NRG3: variants seen among roughly 807,000 people sequenced by gnomAD.
NRG3 encodes pro-neuregulin-3, membrane-bound isoform.
In NRG3, 31 loss-of-function variants were observed where a neutral mutation model predicts 66.9. That is an observed-to-expected ratio of 0.46 (90% CI 0.35 to 0.63). The LOEUF (loss-of-function observed/expected upper bound fraction) is 0.63. Among genes scored for constraint, NRG3 ranks in the 20% least tolerant of loss-of-function variants. NRG3 has a pLI of 0.00. For missense variants in NRG3, 910 were observed against 878.9 expected (o/e 1.04, Z -0.45); for synonymous variants, 393 against 359.4 (o/e 1.09, Z -1.06).
chr10:82,947,192 T>G (rs1849105866), intron 4 of NRG3, among the ~76,000 whole-genome samples: 3 of 152,184 alleles, frequency 2.0e-5, no homozygotes, highest in African/African-American at 7.2e-5. Flanking sequence ...TTTGAATAAG[T>G]GGAATTATAC....
At chr10:82,815,401 A>C (rs2061664477) in intron 3 of NRG3, among the ~76,000 whole-genome samples, 1 of 152,142 alleles carries the variant, frequency 6.6e-6, no homozygotes, top group African/African-American at 2.4e-5. Flanking sequence ...TGAGGTGTTC[A>C]CTTAAAAGCT....
chr10:82,111,091 C>G (rs2067361971), intron 1 of NRG3, among the ~76,000 whole-genome samples: 2 of 152,124 alleles, frequency 1.3e-5, no homozygotes, highest in African/African-American at 4.8e-5. Context: ...AGTTGAAAAT[C>G]AAAAATTTTG....
chr10:82,533,092 CTT>C (rs1199610478), intron 2 of NRG3, among the ~76,000 whole-genome samples: 3 of 139,432 alleles, frequency 2.2e-5, no homozygotes. Flanking sequence ...ATTTGTATAT[CTT>C]TTTTTTTTTT....
intron 1 of NRG3, among the ~76,000 whole-genome samples, chr10:82,132,468 G>GATATATATATATC (rs1214093251): frequency 1.1e-4 from 13 of 119,902 alleles, no homozygotes; most frequent in African/African-American, 4.3e-4. Context: ...TGATATATAT[G>GATATATATATATC]ATATATATAT....
intron 1 of NRG3, among the ~76,000 whole-genome samples, chr10:82,278,994 A>G (rs1320395304): frequency 6.6e-6 from 1 of 152,130 alleles, no homozygotes; most frequent in Non-Finnish European, 1.5e-5. Context: ...TGCACAGCAC[A>G]TGTTATTACA....
At chr10:82,544,071 A>C (rs1411642217) in intron 2 of NRG3, among the ~76,000 whole-genome samples, 1 of 152,170 alleles carries the variant, frequency 6.6e-6, no homozygotes, top group Non-Finnish European at 1.5e-5. Context: ...TCAGAGACCC[A>C]GTTGCTTTAT....
At chr10:82,593,953 G>A (rs1412727139) in intron 2 of NRG3, among the ~76,000 whole-genome samples, 1 of 151,948 alleles carries the variant, frequency 6.6e-6, no homozygotes, top group Non-Finnish European at 1.5e-5. Context: ...TATTTTTTAA[G>A]AATGTGTAAA....
At chr10:82,860,862 TA>T (rs1182799742) in intron 3 of NRG3, among the ~76,000 whole-genome samples, 1 of 152,226 alleles carries the variant, frequency 6.6e-6, no homozygotes, top group East Asian at 1.9e-4. Flanking sequence ...AATGAACTAT[TA>T]ATTAATTAAT....
intron 6 of NRG3, among the ~76,000 whole-genome samples, chr10:82,969,885 G>A (rs888852533): frequency 8.5e-5 from 13 of 152,128 alleles, no homozygotes; most frequent in African/African-American, 3.1e-4. Context: ...ATAAACACCA[G>A]GCTAATTATG....
At chr10:82,800,290 C>A (rs557494682) in intron 3 of NRG3, among the ~76,000 whole-genome samples, 1 of 152,196 alleles carries the variant, frequency 6.6e-6, no homozygotes, top group African/African-American at 2.4e-5. Context: ...AGACATCTTA[C>A]ATTTGGTTAG....
At chr10:82,297,451 T>C (rs529858678) in intron 1 of NRG3, among the ~76,000 whole-genome samples, 1 of 152,252 alleles carries the variant, frequency 6.6e-6, no homozygotes, top group Admixed American at 6.5e-5. Flanking sequence ...GCTTGGAATA[T>C]GTAAATCAAC....
intron 3 of NRG3, among the ~76,000 whole-genome samples, chr10:82,827,917 A>G (rs562352786): frequency 9.8e-4 from 149 of 152,278 alleles, no homozygotes; most frequent in Admixed American, 2.1e-3. Flanking sequence ...CACTGTTAAT[A>G]TTTCCATGTG....
intron 2 of NRG3, among the ~76,000 whole-genome samples, chr10:82,537,015 G>A (rs1847878032): frequency 6.6e-6 from 1 of 151,816 alleles, no homozygotes; most frequent in Admixed American, 6.6e-5. Flanking sequence ...GTAGGTTTAG[G>A]AAAAACTTGA....
At chr10:82,706,102 T>C (rs1331274621) in intron 2 of NRG3, among the ~76,000 whole-genome samples, 1 of 151,886 alleles carries the variant, frequency 6.6e-6, no homozygotes, top group African/African-American at 2.4e-5. Flanking sequence ...CTTTCTTTTC[T>C]TTTTTTTATC....
chr10:82,516,955 C>T (rs1845714872), intron 2 of NRG3, among the ~76,000 whole-genome samples: 1 of 152,096 alleles, frequency 6.6e-6, no homozygotes, highest in African/African-American at 2.4e-5. Flanking sequence ...ATACCAATCA[C>T]CAGTAAAGCA....
intron 2 of NRG3, among the ~76,000 whole-genome samples, chr10:82,514,674 G>A (rs1255957883): frequency 6.6e-6 from 1 of 151,854 alleles, no homozygotes; most frequent in African/African-American, 2.4e-5. Context: ...TATTCTTTTT[G>A]CTGAGGCATA....
intron 8 of NRG3, among the ~76,000 whole-genome samples, chr10:82,982,364 G>A (rs1853015401): frequency 6.6e-6 from 1 of 152,162 alleles, no homozygotes; most frequent in African/African-American, 2.4e-5. Context: ...AGATGCATTT[G>A]TAATTTCTTT....
At chr10:82,081,556 C>T (rs959138387) in intron 1 of NRG3, among the ~76,000 whole-genome samples, 3 of 152,126 alleles carry the variant, frequency 2.0e-5, no homozygotes, top group African/African-American at 7.2e-5. Context: ...AACAGTCTTT[C>T]TAGGTAAGGT....
chr10:82,162,902 C>T (rs1358558460), intron 1 of NRG3, among the ~76,000 whole-genome samples: 1 of 152,132 alleles, frequency 6.6e-6, no homozygotes, highest in African/African-American at 2.4e-5. Context: ...CCATGTGAAT[C>T]TCCTCCTCTA....
Sources: gnomAD v4.1 joint callset for allele counts (sites outside exome capture counted in the v4.1 genomes callset) on GRCh38, gnomAD v4.1.1 for gene constraint, MANE v1.5 for transcripts, NCBI Gene and HGNC (gene_info 2026-07-23, HGNC 2026-07-21) for gene names.